The following IQCJ variants were observed in gnomAD, a reference collection of about 807,000 sequenced individuals.
IQCJ encodes the protein IQ domain-containing protein J.
A neutral mutation model predicts 11.0 loss-of-function variants in IQCJ; 9 were observed. The ratio of observed to expected loss-of-function variants is 0.82; its 90% confidence interval spans 0.49 to 1.43. IQCJ has a LOEUF of 1.43. Ranked by LOEUF, IQCJ falls within the 40% of genes most tolerant of loss-of-function variation. The pLI, the probability that IQCJ is intolerant of heterozygous loss-of-function variation, is 0.00. For missense variants in IQCJ, 146 were observed against 133.2 expected (o/e 1.10, Z -0.47); for synonymous variants, 55 against 51.3 (o/e 1.07, Z -0.31).
chr3:159,200,918 G>A (rs778553337), intron 1 of IQCJ, among the ~76,000 whole-genome samples: 1 of 152,116 alleles, frequency 6.6e-6, no homozygotes, highest in Non-Finnish European at 1.5e-5. Flanking sequence ...GTGTGTAGTT[G>A]GGGGAGGTGA....
intron 1 of IQCJ, among the ~76,000 whole-genome samples, chr3:159,088,195 G>A (rs531282131): frequency 6.9e-4 from 105 of 152,222 alleles, no homozygotes; most frequent in African/African-American, 2.3e-3. Context: ...TCATTCAGGA[G>A]CAGGTTGTTC....
At chr3:159,144,650 A>AT (rs1720819724) in intron 1 of IQCJ, among the ~76,000 whole-genome samples, 2 of 77,606 alleles carry the variant, frequency 2.6e-5, no homozygotes, top group Non-Finnish European at 4.7e-5. Flanking sequence ...GTACACACAC[A>AT]TACACACACA....
In IQCJ at chr3:159,161,769, A is replaced by C. The variant is rs1237740248; in HGVS notation, c.10-84074A>C. 2.6e-5 allele frequency among the ~76,000 whole-genome samples: 4 copies of C among 151,952 alleles called. No individual in the cohort carries two copies. The South Asian group carries it at 6.2e-4, about 24-fold the overall frequency. ...CCTATGGCTAGCCAGTTTTCCCAGC[A>C]CCATTTATTAAATAGGGAATCCTTT... On this transcript the variant is annotated intron_variant, in intron 1 of 3. Coordinates refer to ENST00000397832, the MANE Select transcript of IQCJ (RefSeq NM_001042706.3).
intron 1 of IQCJ, among the ~76,000 whole-genome samples, chr3:159,195,528 A>G (rs1723934709): frequency 6.6e-6 from 1 of 152,220 alleles, no homozygotes; most frequent in Non-Finnish European, 1.5e-5. Flanking sequence ...AGAGTTTCAA[A>G]TATGCCAGAC....
rs571846079 is a variant in IQCJ at position 159,091,001 on chromosome 3, T to C, written c.9+21560T>C. 4.6e-5 allele frequency among the ~76,000 whole-genome samples: 7 copies of C among 151,990 alleles called. 1 individual carries two copies. The highest frequency in any genetic ancestry group is 1.7e-4 in the African/African-American group (7 of 41,258). The stretch of plus-strand genomic sequence containing the variant: ...AGCTAAAAACTAAATCCCTAAATTA[T>C]AGTGGAAAGCATTAATTGAGGAAGT... On this transcript the variant is annotated intron_variant, in intron 1 of 3. Transcript: ENST00000397832.
At chr3:159,115,474 G>A (rs1577017939) in intron 1 of IQCJ, among the ~76,000 whole-genome samples, 2 of 152,118 alleles carry the variant, frequency 1.3e-5, no homozygotes, top group African/African-American at 2.4e-5. Context: ...CCCAGAAAGA[G>A]TGTAAGTTGT....
intron 1 of IQCJ, among the ~76,000 whole-genome samples, chr3:159,209,595 TG>T (rs1724840975): frequency 6.6e-6 from 1 of 152,126 alleles, no homozygotes; most frequent in Non-Finnish European, 1.5e-5. Flanking sequence ...ACACGTCCTC[TG>T]GGGCTCCAGA....
chr3:159,126,493 C>G (rs1055990631), intron 1 of IQCJ, among the ~76,000 whole-genome samples: 2 of 152,204 alleles, frequency 1.3e-5, no homozygotes, highest in Non-Finnish European at 2.9e-5. Flanking sequence ...ATGACCGTGT[C>G]CCCACAAGAC....
intron 1 of IQCJ, among the ~76,000 whole-genome samples, chr3:159,230,342 C>A (rs1726172823): frequency 6.6e-6 from 1 of 152,142 alleles, no homozygotes; most frequent in African/African-American, 2.4e-5. Context: ...AATAGCATGG[C>A]AATGAACATA....
intron 1 of IQCJ, among the ~76,000 whole-genome samples, chr3:159,076,409 C>A (rs186316452): frequency 6.6e-6 from 1 of 152,180 alleles, no homozygotes; most frequent in East Asian, 1.9e-4. Context: ...GAAGGAAGAA[C>A]TAGATGTGAT....
At chr3:159,192,912 C>T (rs769321587) in intron 1 of IQCJ, among the ~76,000 whole-genome samples, 5 of 152,180 alleles carry the variant, frequency 3.3e-5, no homozygotes, top group Non-Finnish European at 7.3e-5. Context: ...GAAGAAGAAC[C>T]TCAGCCCTGC....
intron 3 of IQCJ, among the ~76,000 whole-genome samples, chr3:159,256,355 C>CAG (rs369620790): frequency 1.3e-5 from 2 of 150,180 alleles, no homozygotes; most frequent in African/African-American, 2.4e-5. Context: ...GAGAGAGGGG[C>CAG]AGAGAGAGAG....
chr3:159,206,172 T>G (rs1350182669), intron 1 of IQCJ, among the ~76,000 whole-genome samples: 1 of 152,214 alleles, frequency 6.6e-6, no homozygotes, highest in Non-Finnish European at 1.5e-5. Context: ...AGTTTCTCCC[T>G]TTTCAATGGA....
chr3:159,184,095 A>C (rs1723250182), intron 1 of IQCJ, among the ~76,000 whole-genome samples: 2 of 151,728 alleles, frequency 1.3e-5, no homozygotes. Flanking sequence ...ATAAAATAAA[A>C]ACTCTTTGCT....
intron 1 of IQCJ, among the ~76,000 whole-genome samples, chr3:159,197,270 T>C (rs530660931): frequency 6.6e-6 from 1 of 152,154 alleles, no homozygotes; most frequent in Non-Finnish European, 1.5e-5. Context: ...AATACTAAAA[T>C]CCAATCAGTT....
At chr3:159,175,669 T>C (rs1577061308) in intron 1 of IQCJ, among the ~76,000 whole-genome samples, 1 of 152,158 alleles carries the variant, frequency 6.6e-6, no homozygotes, top group South Asian at 2.1e-4. Context: ...CGTATATCAA[T>C]AGTTTGTTTC....
rs543092976 is a variant in IQCJ at position 159,216,092 on chromosome 3, C to T, written c.10-29751C>T. Among the ~76,000 whole-genome samples the T allele has an allele frequency of 9.2e-5, 10 of 108,148 alleles. No homozygotes were observed. In the East Asian group the frequency reaches 2.4e-3, roughly 26 times the overall value. 70.9% of individuals were successfully genotyped at this position (108,148 alleles called of 152,430 possible). ...AAAGAAAGCGTGTGTGTGTGTGGGG[C>T]GGGGGGTGGGTGGATGGAGAGAGAG... is the stretch of plus-strand genomic sequence containing the variant. On this transcript the variant is annotated intron_variant, in intron 1 of 3. Coordinates refer to ENST00000397832, the MANE Select transcript of IQCJ (RefSeq NM_001042706.3).
chr3:159,083,805 A>G (rs765749114), intron 1 of IQCJ, among the ~76,000 whole-genome samples: 1 of 152,192 alleles, frequency 6.6e-6, no homozygotes, highest in Non-Finnish European at 1.5e-5. Context: ...GAAAAACAGT[A>G]TCAAAAAATT....
intron 1 of IQCJ, among the ~76,000 whole-genome samples, chr3:159,094,647 A>C (rs981616344): frequency 6.6e-6 from 1 of 151,700 alleles, no homozygotes; most frequent in Non-Finnish European, 1.5e-5. Context: ...AGAAGCAGAG[A>C]ATACAGGGAA....
Sources: allele counts gnomAD v4.1 joint callset (sites outside exome capture counted in the v4.1 genomes callset), GRCh38; gene constraint gnomAD v4.1.1; transcripts MANE v1.5; gene names NCBI Gene and HGNC (gene_info 2026-07-23, HGNC 2026-07-21).